TTC6: variants seen among roughly 807,000 people sequenced by gnomAD.
TTC6 encodes tetratricopeptide repeat domain 6.
Under a neutral mutation model 210.4 loss-of-function variants are expected in TTC6, and 172 were observed. The observed-to-expected ratio is 0.82, with a 90% CI of 0.72 to 0.93. The LOEUF (loss-of-function observed/expected upper bound fraction) is 0.93, where lower values mean the gene tolerates loss of function less well. Ranked by LOEUF, TTC6 falls within the 40% of genes least tolerant of loss-of-function variation. The pLI, the probability that TTC6 is intolerant of heterozygous loss-of-function variation, is 0.00. For missense variants in TTC6, 2,414 were observed against 2,318.1 expected (o/e 1.04, Z -0.85); for synonymous variants, 804 against 819.6 (o/e 0.98, Z 0.32).
At chr14:37,667,201 A>T (rs1839838284) in intron 1 of TTC6, among the ~76,000 whole-genome samples, 2 of 150,104 alleles carry the variant, frequency 1.3e-5, no homozygotes, top group South Asian at 4.3e-4. Context: ...CCTGCTTGGG[A>T]CAGGGAGATT....
At chr14:37,614,994 G>T (rs559567493) in intron 2 of TTC6, among the ~76,000 whole-genome samples, 4 of 152,222 alleles carry the variant, frequency 2.6e-5, no homozygotes, top group African/African-American at 9.6e-5. Flanking sequence ...ATATCTGCCT[G>T]CCTGGGCCTC....
chr14:37,604,422 C>G (rs1278764534), intron 1 of TTC6, among the ~76,000 whole-genome samples: 2 of 152,110 alleles, frequency 1.3e-5, no homozygotes, highest in African/African-American at 2.4e-5. Flanking sequence ...CCTTCTGAAC[C>G]AGACTGGGGT....
At chr14:37,634,101 A>T (rs944587382) in intron 1 of TTC6, among the ~76,000 whole-genome samples, 2 of 152,246 alleles carry the variant, frequency 1.3e-5, no homozygotes, top group Non-Finnish European at 2.9e-5. Flanking sequence ...CTCAATTTGA[A>T]AGAAAAAAAA....
intron 6 of TTC6, among the ~76,000 whole-genome samples, chr14:37,718,767 A>T (rs2095856736): frequency 6.6e-6 from 1 of 152,112 alleles, no homozygotes; most frequent in African/African-American, 2.4e-5. Context: ...ATCTCTACAA[A>T]AAATACAAAA....
chr14:37,786,523 T>C (rs1379992137), intron 14 of TTC6, among the ~76,000 whole-genome samples: 1 of 152,196 alleles, frequency 6.6e-6, no homozygotes, highest in African/African-American at 2.4e-5. Flanking sequence ...GTGCCATCTG[T>C]CATGGCTTCC....
intron 30 of TTC6, 34 bp downstream of exon 32, chr14:37,841,704 A>G (rs1025695286): frequency 4.7e-6 from 7 of 1,478,428 alleles, no homozygotes; most frequent in Non-Finnish European, 5.6e-6. Flanking sequence ...GTAAGATTAC[A>G]GTGGTTGAAG....
chr14:37,664,617 A>G (rs2138430874), intron 1 of TTC6, among the ~76,000 whole-genome samples: 2 of 150,896 alleles, frequency 1.3e-5, no homozygotes, highest in Middle Eastern at 6.8e-3. Flanking sequence ...GAAAATGCCA[A>G]AAGCAATTGC....
chr14:37,717,318 GAAAA>G (rs1036511605), intron 6 of TTC6, among the ~76,000 whole-genome samples: 1 of 151,014 alleles, frequency 6.6e-6, no homozygotes, highest in African/African-American at 2.4e-5. Context: ...GGCAAGACAA[GAAAA>G]AAAGAAAAGC....
chr14:37,768,191 T>C (rs938728822), intron 14 of TTC6, among the ~76,000 whole-genome samples: 2 of 150,736 alleles, frequency 1.3e-5, no homozygotes, highest in African/African-American at 4.9e-5. Flanking sequence ...CCATGCTGTT[T>C]TGGTTACTGT....
intron 10 of TTC6, among the ~76,000 whole-genome samples, chr14:37,740,809 C>T (rs1254916702): frequency 2.0e-5 from 3 of 152,130 alleles, no homozygotes; most frequent in Non-Finnish European, 2.9e-5. Flanking sequence ...TATACATTTT[C>T]AATACATTTA....
Position 37,796,719 on chromosome 14 carries a change from T to C in TTC6, c.3869-68T>C, listed in dbSNP as rs143720684. On this transcript the variant is annotated intron_variant, in intron 19 of 30. Coordinates refer to ENST00000553443, the Ensembl canonical transcript of TTC6. ...AAAGACAAATTATTGAATTACTCCCTTAGAATAATTATATTCAAAATCATT... is the reference window on the plus strand; with the variant it reads ...AAAGACAAATTATTGAATTACTCCCCTAGAATAATTATATTCAAAATCATT... 6.0e-4 allele frequency: 844 copies of C among 1,408,012 alleles called. 10 individuals carry two copies. In the African/African-American group the frequency reaches 0.011, roughly 19 times the overall value. 87.2% of individuals were successfully genotyped at this position (1,408,012 alleles called of 1,614,324 possible).
At chr14:37,696,041 T>G (rs117361133) in intron 3 of TTC6, among the ~76,000 whole-genome samples, 2,450 of 152,292 alleles carry the variant, frequency 0.016, 24 homozygotes, top group Non-Finnish European at 0.022. Flanking sequence ...ATGCTCTGTA[T>G]TCATTGAACT....
At chr14:37,725,249 A>G (rs951542841) in intron 7 of TTC6, among the ~76,000 whole-genome samples, 5 of 144,076 alleles carry the variant, frequency 3.5e-5, no homozygotes, top group Non-Finnish European at 6.0e-5. Context: ...GTGTGTGTGT[A>G]TATATATACA....
intron 1 of TTC6, among the ~76,000 whole-genome samples, chr14:37,623,232 T>G (rs1394023736): frequency 6.6e-6 from 1 of 152,234 alleles, no homozygotes; most frequent in Non-Finnish European, 1.5e-5. Context: ...AACTGAGCCA[T>G]GATCCCAGAA....
In TTC6 at chr14:37,807,377, T is replaced by C. The variant is rs1220521572; in HGVS notation, c.4372T>C (p.Leu1458=). 1.0e-5 allele frequency: 16 copies of C among 1,531,088 alleles called. No individual in the cohort carries two copies. In the Admixed American group the frequency reaches 2.9e-4, roughly 28 times the overall value. The allele number at this position is 1,531,088 out of a possible 1,614,324, so 94.8% of individuals were successfully genotyped here. The change falls in exon 23 of 31, where the codon TTG becomes CTG. Residue 1458 remains leucine, a synonymous_variant. Transcript: ENST00000553443. ...AAAAGGCAGGTATTCCAAAGCAATC[T>C]TGAATTGTAACAAGGCTATTAAAAT...
chr14:37,624,079 C>T (rs1489618167), intron 1 of TTC6, among the ~76,000 whole-genome samples: 1 of 152,090 alleles, frequency 6.6e-6, no homozygotes, highest in Non-Finnish European at 1.5e-5. Context: ...ATTGTTTCAG[C>T]CCCAGAATAC....
intron 5 of TTC6, among the ~76,000 whole-genome samples, chr14:37,704,647 A>G (rs963863495): frequency 6.6e-6 from 1 of 151,938 alleles, no homozygotes; most frequent in South Asian, 2.1e-4. Flanking sequence ...CGTATATATT[A>G]TAGATATATT....
At position 37,786,601 on chromosome 14, in the gene TTC6, T is replaced by G. The variant is rs1251235855; in HGVS notation, c.3267-867T>G. ...GGTGAGGCGGTGCCTGGCCCTGCTT[T>G]GGCTCACTGTCCGTGGGCTGCACCC... On this transcript the variant is annotated intron_variant, in intron 14 of 30. Coordinates refer to ENST00000553443, the Ensembl canonical transcript of TTC6. Among the ~76,000 whole-genome samples the G allele has an allele frequency of 3.9e-5, 6 of 152,310 alleles. No individual in the cohort carries two copies. In the East Asian group the frequency reaches 1.2e-3, roughly 30 times the overall value.
intron 3 of TTC6, among the ~76,000 whole-genome samples, chr14:37,690,933 G>A (rs1200817014): frequency 6.6e-6 from 1 of 152,086 alleles, no homozygotes; most frequent in African/African-American, 2.4e-5. Flanking sequence ...CTTTTCCTTA[G>A]CATGTGGATC....
Sources: gnomAD v4.1 joint callset for allele counts (sites outside exome capture counted in the v4.1 genomes callset) on GRCh38, gnomAD v4.1.1 for gene constraint, MANE v1.5 for transcripts, NCBI Gene and HGNC (gene_info 2026-07-23, HGNC 2026-07-21) for gene names.